CAMTA1: variants seen among roughly 807,000 people sequenced by gnomAD.
CAMTA1 encodes the protein calmodulin binding transcription activator 1.
Under a neutral mutation model 170.9 loss-of-function variants are expected in CAMTA1, and 27 were observed. The ratio of observed to expected loss-of-function variants is 0.16; its 90% CI spans 0.12 to 0.22. CAMTA1 has a LOEUF of 0.22. Ranked by LOEUF, CAMTA1 falls within the 10% of genes least tolerant of loss-of-function variation. The probability of loss-of-function intolerance (pLI) is 1.00; values close to 1 mark genes in which losing one functional copy is unlikely to be tolerated. For synonymous variants in CAMTA1, 833 were observed against 891.5 expected (o/e 0.93, Z 1.17); for missense variants, 1,619 against 2,217.2 (o/e 0.73, Z 5.42).
chr1:7,129,182 G>A (rs563419840), intron 4 of CAMTA1, among the ~76,000 whole-genome samples: 38 of 152,158 alleles, frequency 2.5e-4, no homozygotes, highest in African/African-American at 9.2e-4. Flanking sequence ...ACTTGCCCAG[G>A]CTCCCACAGC....
At chr1:7,590,855 T>A (rs1484788509) in intron 6 of CAMTA1, among the ~76,000 whole-genome samples, 1 of 152,228 alleles carries the variant, frequency 6.6e-6, no homozygotes, top group Non-Finnish European at 1.5e-5. Flanking sequence ...CAGGAGGCCG[T>A]CTGAGAATCA....
At chr1:6,877,201 C>A (rs533564015) in intron 3 of CAMTA1, among the ~76,000 whole-genome samples, 1 of 152,180 alleles carries the variant, frequency 6.6e-6, no homozygotes, top group Admixed American at 6.5e-5. Context: ...CTGCGCTCCC[C>A]CTCCCATGGA....
In CAMTA1 at chr1:7,736,686, C is replaced by T; in HGVS notation, c.3263+146C>T. On this transcript the variant is annotated intron_variant, in intron 13 of 22. Transcript: ENST00000303635. This position sits in a 1 kb window ranked among gnomAD's most constrained non-coding sequence, Gnocchi z 4.5. ...AAGGGCTTTGTCCTTGGACAGTTTC[C>T]AAGGGAGTTTTATAAACTTCTTCCC... 1 of 804,112 alleles carries T rather than the reference C, an allele frequency of 1.2e-6. No individual in the cohort carries two copies. Among genetic ancestry groups the T allele is most frequent in the Non-Finnish European group, 2.0e-6 (1 of 503,384 alleles). The allele number at this position is 804,112 out of a possible 1,614,324, so 49.8% of individuals were successfully genotyped here. A position where few individuals can be genotyped will look rare whatever the true frequency, so the allele number is the denominator to read the frequency against.
intron 5 of CAMTA1, among the ~76,000 whole-genome samples, chr1:7,446,512 C>T (rs1454211947): frequency 6.6e-6 from 1 of 152,142 alleles, no homozygotes; most frequent in Non-Finnish European, 1.5e-5. Flanking sequence ...GGGGAACACA[C>T]GCCTGGCCAC....
intron 5 of CAMTA1, among the ~76,000 whole-genome samples, chr1:7,317,778 G>A (rs1677748170): frequency 6.6e-6 from 1 of 152,132 alleles, no homozygotes; most frequent in Middle Eastern, 3.2e-3. Flanking sequence ...GGGGCTAGAG[G>A]GCATAAGTTT....
intron 3 of CAMTA1, among the ~76,000 whole-genome samples, chr1:6,885,318 C>T (rs1672907088): frequency 6.6e-6 from 1 of 152,212 alleles, no homozygotes. Flanking sequence ...ATTTGGCACA[C>T]ACACAATTCT....
At chr1:7,411,995 G>T (rs2090808070) in intron 5 of CAMTA1, among the ~76,000 whole-genome samples, 1 of 147,590 alleles carries the variant, frequency 6.8e-6, no homozygotes, top group African/African-American at 2.5e-5. Context: ...ACCTATGAGT[G>T]AGAACATGCG....
At chr1:6,841,213 G>A (rs1324511298) in intron 3 of CAMTA1, among the ~76,000 whole-genome samples, 1 of 152,166 alleles carries the variant, frequency 6.6e-6, no homozygotes, top group South Asian at 2.1e-4. Flanking sequence ...TTTTAATTAC[G>A]CCGAGTCCAC....
chr1:6,932,366 A>G (rs1684564616), intron 3 of CAMTA1, among the ~76,000 whole-genome samples: 1 of 152,060 alleles, frequency 6.6e-6, no homozygotes, highest in Non-Finnish European at 1.5e-5. Flanking sequence ...ATTTCTTTTC[A>G]TTGCTGAGTA....
intron 3 of CAMTA1, among the ~76,000 whole-genome samples, chr1:6,830,016 G>T (rs1279113499): frequency 6.6e-6 from 1 of 151,660 alleles, no homozygotes; most frequent in African/African-American, 2.4e-5. Context: ...TGATAGTTTT[G>T]ATTCTTTTTT....
chr1:7,705,196 G>A (rs2096499555), intron 11 of CAMTA1, among the ~76,000 whole-genome samples: 1 of 151,468 alleles, frequency 6.6e-6, no homozygotes, highest in African/African-American at 2.4e-5. Context: ...GTGTTTCTGG[G>A]GCGAGAGTGG....
Position 7,092,721 on chromosome 1 carries a change from C to A in CAMTA1, c.302+1350C>A, listed in dbSNP as rs1641635827. 6.6e-6 allele frequency among the ~76,000 whole-genome samples: 1 copy of A among 152,234 alleles called. No homozygotes were observed. The highest frequency in any genetic ancestry group is 6.5e-5 in the Admixed American group (1 of 15,286). On this transcript the variant is annotated intron_variant, in intron 4 of 22. Coordinates refer to ENST00000303635, the MANE Select transcript of CAMTA1 (RefSeq NM_015215.4). This position sits in a 1 kb window ranked among gnomAD's most constrained non-coding sequence, Gnocchi z 5.0. ...AGCTTAGTGACTTTAAACAACAAATCTTTATTTTCTGCTCATGGGTCTGTG... is the reference window on the plus strand; with the variant it reads ...AGCTTAGTGACTTTAAACAACAAATATTTATTTTCTGCTCATGGGTCTGTG...
At position 7,600,951 on chromosome 1, in the gene CAMTA1, A is replaced by T. The variant is rs2150566671; in HGVS notation, c.511-39449A>T. 4.0e-5 allele frequency among the ~76,000 whole-genome samples: 6 copies of T among 151,876 alleles called. No homozygotes were observed. The South Asian group carries it at 1.2e-3, about 32-fold the overall frequency. ...CCCACCTTTCCCCCCTTTCTATTCC[A>T]CAAAACCACCATTGTCATCATGGCC... On this transcript the variant is annotated intron_variant, in intron 6 of 22. Coordinates refer to ENST00000303635, the MANE Select transcript of CAMTA1 (RefSeq NM_015215.4).
intron 12 of CAMTA1, among the ~76,000 whole-genome samples, chr1:7,733,403 G>A (rs2096748427): frequency 6.6e-6 from 1 of 152,186 alleles, no homozygotes; most frequent in Non-Finnish European, 1.5e-5. Flanking sequence ...AAGTGTTTAT[G>A]TAATGATTCA....
At chr1:7,725,133 ATGAT>A (rs1445948026) in intron 11 of CAMTA1, among the ~76,000 whole-genome samples, 5 of 152,194 alleles carry the variant, frequency 3.3e-5, no homozygotes, top group African/African-American at 1.2e-4. Flanking sequence ...AGCCGTCAGA[ATGAT>A]TGAGTTTTTG....
At chr1:7,260,963 A>T (rs1163412386) in intron 5 of CAMTA1, among the ~76,000 whole-genome samples, 1 of 152,210 alleles carries the variant, frequency 6.6e-6, no homozygotes, top group Non-Finnish European at 1.5e-5. Flanking sequence ...GCATGTGATA[A>T]ACTGAACCTC....
chr1:7,373,398 G>A (rs529582117), intron 5 of CAMTA1, among the ~76,000 whole-genome samples: 3 of 152,346 alleles, frequency 2.0e-5, no homozygotes, highest in East Asian at 3.9e-4. Flanking sequence ...AGTTGGCTGC[G>A]ACTGAATGAA....
rs763385737 is a variant in CAMTA1, at chr1:7,738,097, G to A, written c.3797G>A (p.Ser1266Asn). 1.9e-6 allele frequency: 3 copies of A among 1,614,156 alleles called. No homozygotes were observed. The highest frequency in any genetic ancestry group is 2.5e-6 in the Non-Finnish European group (3 of 1,180,030). Reference protein sequence around the residue: ...RQEKLLPTALSLEEPNIRKQS... With the variant: ...RQEKLLPTALNLEEPNIRKQS... ...GAGAAGCTGCTTCCCACTGCACTGA[G>A]TCTGGAAGAGCCAAATATCAGGAAG... The change falls in exon 16 of 23, where the codon AGT (serine) becomes AAT (asparagine). Residue 1266 changes from serine to asparagine, a missense_variant. Physicochemically the swap from Ser to Asn is conservative, Grantham distance 46. This residue lies in a region of CAMTA1 where 370 missense variants were observed against 429.4 expected (regional missense o/e 0.86). Coordinates refer to ENST00000303635, the MANE Select transcript of CAMTA1 (RefSeq NM_015215.4). The surrounding 1 kb of genome is among the most constrained non-coding windows in gnomAD (Gnocchi z 4.9).
chr1:6,791,635 T>G (rs895514931), intron 1 of CAMTA1, among the ~76,000 whole-genome samples: 1 of 152,242 alleles, frequency 6.6e-6, no homozygotes, highest in African/African-American at 2.4e-5. Flanking sequence ...TATATAGTAC[T>G]GCCTTTAGTT....
Sources: allele counts gnomAD v4.1 joint callset (sites outside exome capture counted in the v4.1 genomes callset), GRCh38; gene constraint gnomAD v4.1.1; regional missense constraint gnomAD v4.1.1; non-coding constraint Gnocchi (gnomAD v3.1); transcripts MANE v1.5; gene names NCBI Gene and HGNC (gene_info 2026-07-23, HGNC 2026-07-21).